Variants in SNCAIP observed in about 807,000 individuals in gnomAD.
The protein encoded by SNCAIP is synphilin-1.
In SNCAIP, 43 loss-of-function variants were observed where a neutral mutation model predicts 86.7. The ratio of observed to expected loss-of-function variants is 0.50; its 90% CI spans 0.39 to 0.64. The LOEUF is 0.64. SNCAIP is among the 30% of genes least tolerant of loss of function. The pLI is 0.00. For missense variants in SNCAIP, 981 were observed against 1,103.1 expected, an observed-to-expected ratio of 0.89 and a Z score of 1.57; for synonymous variants, 417 against 427.2, an observed-to-expected ratio of 0.98 and a Z score of 0.29.
At chr5:122,462,370 T>G (rs1176934516) in intron 10 of SNCAIP, among the ~76,000 whole-genome samples, 1 of 152,216 alleles carries the variant, frequency 6.6e-6, no homozygotes, top group Non-Finnish European at 1.5e-5. Flanking sequence ...TCATCTAAAT[T>G]TGTGCCTTTT....
intron 8 of SNCAIP, among the ~76,000 whole-genome samples, chr5:122,448,772 A>G (rs946379896): frequency 6.8e-6 from 1 of 146,386 alleles, no homozygotes; most frequent in African/African-American, 2.5e-5. Context: ...GGAAAGACAG[A>G]GTTAGTTTTC....
At chr5:122,339,741 G>T (rs998514802) in intron 1 of SNCAIP, among the ~76,000 whole-genome samples, 1 of 152,188 alleles carries the variant, frequency 6.6e-6, no homozygotes, top group Non-Finnish European at 1.5e-5. Context: ...AACGCAAGCT[G>T]CTCGGCTATG....
At chr5:122,391,357 T>C (rs1374490874) in intron 2 of SNCAIP, among the ~76,000 whole-genome samples, 166 bp downstream of exon 2, 2 of 152,226 alleles carry the variant, frequency 1.3e-5, no homozygotes, top group Non-Finnish European at 2.9e-5. Context: ...GGGGATCTCT[T>C]AGACCAAGAA....
chr5:122,396,110 T>A (rs1355164350), intron 2 of SNCAIP, among the ~76,000 whole-genome samples: 1 of 152,198 alleles, frequency 6.6e-6, no homozygotes, highest in Non-Finnish European at 1.5e-5. Flanking sequence ...TGTTTTTTTG[T>A]AATATCCTGC....
At chr5:122,345,414 C>A (rs1392192277) in intron 1 of SNCAIP, among the ~76,000 whole-genome samples, 3 of 152,150 alleles carry the variant, frequency 2.0e-5, no homozygotes, top group Non-Finnish European at 4.4e-5. Context: ...GAGGCTAGAG[C>A]AATCCTAGGG....
At chr5:122,391,909 T>G (rs1289838911) in intron 2 of SNCAIP, among the ~76,000 whole-genome samples, 9 of 152,240 alleles carry the variant, frequency 5.9e-5, no homozygotes, top group Non-Finnish European at 8.8e-5. Context: ...CATGTTGGCC[T>G]GGAGTGCCCC....
chr5:122,369,711 A>G (rs139305286), intron 1 of SNCAIP: 19 of 152,232 alleles, frequency 1.2e-4, no homozygotes, highest in African/African-American at 4.3e-4. Context: ...CCACATCACA[A>G]TCACCTTCCT....
chr5:122,360,744 A>G (rs1762041867), intron 1 of SNCAIP, among the ~76,000 whole-genome samples: 1 of 152,204 alleles, frequency 6.6e-6, no homozygotes, highest in South Asian at 2.1e-4. Flanking sequence ...CTGGAAATCT[A>G]CTTGTAGAAG....
rs1787026846 is a variant in SNCAIP at position 122,463,622 on chromosome 5, G to T, written c.*126G>T. The T allele has an allele frequency of 8.2e-6, 8 of 979,498 alleles. No homozygotes were observed. The highest frequency in any genetic ancestry group is 1.3e-5 in the Non-Finnish European group (8 of 629,470). 60.7% of individuals were successfully genotyped at this position (979,498 alleles called of 1,614,324 possible). The stretch of plus-strand genomic sequence containing the variant: ...CACTGATGCCCTTTGGAAATTATTG[G>T]AAATTTCTGGACTATCCTCTTTGGA... On this transcript the variant is annotated 3_prime_UTR_variant, in exon 11 of 11. Coordinates refer to ENST00000261368, the MANE Select transcript of SNCAIP (RefSeq NM_005460.4).
At chr5:122,424,795 C>G (rs1476238948) in intron 4 of SNCAIP, among the ~76,000 whole-genome samples, 1 of 152,152 alleles carries the variant, frequency 6.6e-6, no homozygotes, top group African/African-American at 2.4e-5. Context: ...ACAAAAACTT[C>G]ACTAGAGATG....
intron 1 of SNCAIP, among the ~76,000 whole-genome samples, chr5:122,318,131 G>A (rs564946448): frequency 7.4e-4 from 113 of 152,194 alleles, no homozygotes; most frequent in Admixed American, 2.0e-3. Flanking sequence ...TGTGGGTGCA[G>A]GGGATGGGTA....
intron 1 of SNCAIP, among the ~76,000 whole-genome samples, chr5:122,318,209 T>G (rs144120348): frequency 2.6e-5 from 4 of 152,284 alleles, no homozygotes; most frequent in African/African-American, 9.6e-5. Context: ...AATGCTTCAT[T>G]GCATGTGCTT....
At chr5:122,387,867 G>C (rs1371731121) in intron 1 of SNCAIP, among the ~76,000 whole-genome samples, 1 of 152,222 alleles carries the variant, frequency 6.6e-6, no homozygotes, top group Non-Finnish European at 1.5e-5. Context: ...GTAGGAAATT[G>C]TATTTTGTTG....
chr5:122,364,089 A>T (rs2082871887), intron 1 of SNCAIP, among the ~76,000 whole-genome samples: 1 of 152,242 alleles, frequency 6.6e-6, no homozygotes, highest in Non-Finnish European at 1.5e-5. Context: ...TCAGCTTCCC[A>T]AAGTGCTAGG....
At chr5:122,343,241 C>T (rs1003480576) in intron 1 of SNCAIP, among the ~76,000 whole-genome samples, 2 of 152,156 alleles carry the variant, frequency 1.3e-5, no homozygotes, top group African/African-American at 4.8e-5. Flanking sequence ...AATATTTGCT[C>T]GTGGAGCTGA....
chr5:122,356,960 A>G (rs1220255652), intron 1 of SNCAIP, among the ~76,000 whole-genome samples: 1 of 152,144 alleles, frequency 6.6e-6, no homozygotes, highest in East Asian at 1.9e-4. Context: ...ACTTGAAACC[A>G]TTCACTGGCT....
At chr5:122,394,514 A>G (rs1164725651) in intron 2 of SNCAIP, among the ~76,000 whole-genome samples, 2 of 152,204 alleles carry the variant, frequency 1.3e-5, no homozygotes, top group African/African-American at 4.8e-5. Context: ...AACATTCTCC[A>G]ATAGCTGCAG....
intron 8 of SNCAIP, among the ~76,000 whole-genome samples, chr5:122,448,125 G>A (rs549500524): frequency 1.1e-3 from 173 of 152,328 alleles, no homozygotes; most frequent in African/African-American, 4.0e-3. Flanking sequence ...CTGAGTATAT[G>A]CAGTGACACT....
chr5:122,337,720 A>G lies in SNCAIP; in HGVS notation c.-47+25436A>G, dbSNP rs143711117. Among the ~76,000 whole-genome samples the G allele has an allele frequency of 3.3e-3, 509 of 152,236 alleles. 1 individual carries two copies. The highest frequency in any genetic ancestry group is 5.3e-3 in the Non-Finnish European group (361 of 68,006). ...ATGCCCTGCTAATTTTTGCATTTTT[A>G]GTAGAGGCAGGGCTTCGCCATGTTG... is the stretch of plus-strand genomic sequence containing the variant. On this transcript the variant is annotated intron_variant, in intron 1 of 10. Transcript: ENST00000261368.
Sources: gnomAD v4.1 joint callset for allele counts (sites outside exome capture counted in the v4.1 genomes callset) on GRCh38, gnomAD v4.1.1 for gene constraint, MANE v1.5 for transcripts, NCBI Gene and HGNC (gene_info 2026-07-23, HGNC 2026-07-21) for gene names.